The following MTFR1 variants were observed in gnomAD, a reference collection of about 807,000 sequenced individuals.
MTFR1 encodes chondrocyte protein with a poly-proline region.
A neutral mutation model predicts 38.8 loss-of-function variants in MTFR1; 28 were observed. That is an observed-to-expected ratio of 0.72 (90% CI 0.53 to 0.99). The LOEUF is 0.99. Among genes scored for constraint, MTFR1 ranks in the 50% least tolerant of loss-of-function variants. The pLI is 0.00. For missense variants in MTFR1, 358 were observed against 395.5 expected (o/e 0.91, Z 0.81); for synonymous variants, 145 against 137.0 (o/e 1.06, Z -0.41).
Position 65,710,319 on chromosome 8 carries a change from T to C in MTFR1, c.*1275T>C, listed in dbSNP as rs1360479815. ...ACAAAAATGATTTGGGGAAATGACA[T>C]GGCTTGATTGTTCTGTTTAAATTTG... is the stretch of plus-strand genomic sequence containing the variant. On this transcript the variant is annotated 3_prime_UTR_variant, in exon 8 of 8. Coordinates refer to ENST00000262146, the MANE Select transcript of MTFR1 (RefSeq NM_014637.4). 6.6e-6 allele frequency: 1 copy of C among 152,358 alleles called. No homozygotes were observed. The highest frequency in any genetic ancestry group is 2.4e-5 in the African/African-American group (1 of 41,472). The allele number at this position is 152,358 out of a possible 1,614,324, so 9.4% of individuals were successfully genotyped here.
At chr8:65,768,727 T>C (rs1160346367) in intron 3 of MTFR1, among the ~76,000 whole-genome samples, 7 of 152,218 alleles carry the variant, frequency 4.6e-5, no homozygotes, top group African/African-American at 1.7e-4. Flanking sequence ...TTTCTGGTCA[T>C]CCTAAAGTGA....
At chr8:65,751,952 T>C (rs77141667) in intron 3 of MTFR1, among the ~76,000 whole-genome samples, 7,893 of 152,300 alleles carry the variant, frequency 0.052, 708 homozygotes, top group African/African-American at 0.18. Context: ...TGTTCTTTTA[T>C]AAGGCTGTAA....
chr8:65,652,777 C>A (rs1809156275), intron 1 of MTFR1, among the ~76,000 whole-genome samples: 1 of 152,150 alleles, frequency 6.6e-6, no homozygotes, highest in African/African-American at 2.4e-5. Flanking sequence ...TTAGGTTTTT[C>A]CAAATACAAG....
intron 3 of MTFR1, 61 bp downstream of exon 3, chr8:65,682,512 C>A: frequency 1.1e-6 from 1 of 917,908 alleles, no homozygotes; most frequent in Non-Finnish European, 1.5e-6. Context: ...TATAAATAGG[C>A]AAGATGGTTT....
chr8:65,659,874 A>G (rs1240668022), intron 1 of MTFR1, among the ~76,000 whole-genome samples: 1 of 152,138 alleles, frequency 6.6e-6, no homozygotes, highest in Admixed American at 6.5e-5. Context: ...CTTACTCTAT[A>G]TGATTTAACT....
At chr8:65,753,079 G>A (rs1442571300) in intron 3 of MTFR1, among the ~76,000 whole-genome samples, 1 of 152,030 alleles carries the variant, frequency 6.6e-6, no homozygotes, top group Non-Finnish European at 1.5e-5. Flanking sequence ...TTAATTTTTT[G>A]AGTGGTAGGA....
chr8:65,763,597 A>G (rs1249376268), intron 3 of MTFR1, among the ~76,000 whole-genome samples: 1 of 152,076 alleles, frequency 6.6e-6, no homozygotes, highest in African/African-American at 2.4e-5. Context: ...TCTTATTGTT[A>G]TGGGTTAGGC....
chr8:65,734,997 C>A, intron 3 of MTFR1: 3 of 748,996 alleles, frequency 4.0e-6, no homozygotes, highest in Admixed American at 2.0e-5. Context: ...TTTCATGTAG[C>A]TATCGGCTAA....
chr8:65,685,713 T>C (rs374505366), intron 3 of MTFR1, among the ~76,000 whole-genome samples: 1 of 152,226 alleles, frequency 6.6e-6, no homozygotes, highest in Non-Finnish European at 1.5e-5. Flanking sequence ...TCTGCCCTTA[T>C]TGGTTATATG....
intron 3 of MTFR1, among the ~76,000 whole-genome samples, chr8:65,744,805 G>A (rs1678879815): frequency 6.6e-6 from 1 of 152,222 alleles, no homozygotes; most frequent in Non-Finnish European, 1.5e-5. Context: ...AAGTCATGAT[G>A]ATGATGATAC....
chr8:65,743,753 T>C (rs1236900456), intron 3 of MTFR1, among the ~76,000 whole-genome samples: 2 of 152,034 alleles, frequency 1.3e-5, no homozygotes, highest in African/African-American at 4.8e-5. Context: ...GATTTCAAAG[T>C]ACAGCAGTGA....
chr8:65,650,891 A>C (rs1304606169), intron 1 of MTFR1, among the ~76,000 whole-genome samples: 1 of 152,150 alleles, frequency 6.6e-6, no homozygotes, highest in Non-Finnish European at 1.5e-5. Context: ...CGTTCTCTAT[A>C]GTGGTTGAGC....
In MTFR1 at chr8:65,707,897, C is replaced by T; in HGVS notation, c.819C>T (p.Leu273=). Residue 273 remains leucine, a synonymous_variant, in exon 7 of 8, where the codon CTC becomes CTT. Transcript: ENST00000262146. ...TGGATGCTACTGACCCTGCTGCCCTCATAGCAGAGGCTCTGAAAAAGAAAT... is the reference window on the plus strand; with the variant it reads ...TGGATGCTACTGACCCTGCTGCCCTTATAGCAGAGGCTCTGAAAAAGAAAT... The part of the protein sequence containing the change: ...KPVDATDPAA[L]IAEALKKKFA... 6.2e-7 allele frequency: 1 copy of T among 1,614,154 alleles called. No homozygotes were observed. The highest frequency in any genetic ancestry group is 8.5e-7 in the Non-Finnish European group (1 of 1,180,012).
At chr8:65,744,127 C>G (rs927159098) in intron 3 of MTFR1, among the ~76,000 whole-genome samples, 2 of 152,140 alleles carry the variant, frequency 1.3e-5, no homozygotes, top group African/African-American at 4.8e-5. Context: ...GCCACCACGC[C>G]CAGCCTAGCT....
downstream of MTFR1, among the ~76,000 whole-genome samples, chr8:65,772,865 A>G (rs1233994312): frequency 6.6e-6 from 1 of 152,096 alleles, no homozygotes. Context: ...AAAATTAGCC[A>G]GGTGTGGTGG....
intron 3 of MTFR1, chr8:65,722,832 GTGAC>G (rs1194166608): frequency 7.9e-5 from 12 of 152,228 alleles, no homozygotes; most frequent in Admixed American, 7.9e-4. Flanking sequence ...TAGAAGAAAA[GTGAC>G]TGACTCTGCC....
intron 3 of MTFR1, among the ~76,000 whole-genome samples, chr8:65,730,687 C>T (rs1214869277): frequency 6.6e-6 from 1 of 152,060 alleles, no homozygotes; most frequent in Non-Finnish European, 1.5e-5. Context: ...CAGCACTTTG[C>T]AGGGCCAAGG....
At chr8:65,711,289 C>CTTCT (rs1475466710), downstream of MTFR1, among the ~76,000 whole-genome samples, 4 of 152,126 alleles carry the variant, frequency 2.6e-5, no homozygotes, top group African/African-American at 9.7e-5. Flanking sequence ...AGACTTGTGT[C>CTTCT]TTCTTTCTGT....
At chr8:65,705,380 A>G (rs1805754708) in intron 5 of MTFR1, among the ~76,000 whole-genome samples, 1 of 152,206 alleles carries the variant, frequency 6.6e-6, no homozygotes, top group South Asian at 2.1e-4. Context: ...GCATAGTCCA[A>G]CAACAACCAG....
Sources: gnomAD v4.1 joint callset for allele counts (sites outside exome capture counted in the v4.1 genomes callset) on GRCh38, gnomAD v4.1.1 for gene constraint, MANE v1.5 for transcripts, NCBI Gene and HGNC (gene_info 2026-07-23, HGNC 2026-07-21) for gene names.